The following SLC44A5 variants were observed in gnomAD, a reference collection of about 807,000 sequenced individuals.
The protein encoded by SLC44A5 is choline transporter-like protein 5.
A neutral mutation model predicts 101.8 loss-of-function variants in SLC44A5; 57 were observed. That is an observed-to-expected ratio of 0.56 (90% CI 0.45 to 0.70). SLC44A5 has a LOEUF of 0.70. Among genes scored for constraint, SLC44A5 ranks in the 30% least tolerant of loss-of-function variants. SLC44A5 has a pLI of 0.00. For missense variants in SLC44A5, 737 were observed against 853.1 expected (o/e 0.86, Z 1.70); for synonymous variants, 281 against 290.9 (o/e 0.97, Z 0.35).
chr1:75,714,240 T>TC, the SLC44A5 span, among the ~76,000 whole-genome samples: 1 of 152,276 alleles, frequency 6.6e-6, no homozygotes, highest in African/African-American at 2.4e-5. Context: ...TGCAAATCAG[T>TC]AAATGTGATT....
intron 3 of SLC44A5, among the ~76,000 whole-genome samples, chr1:75,359,317 C>T (rs1460027949): frequency 6.7e-6 from 1 of 150,040 alleles, no homozygotes; most frequent in Admixed American, 6.6e-5. Context: ...TCACTGCAGC[C>T]TCCACCTCCT....
At chr1:75,333,014 G>A (rs1375281550) in intron 4 of SLC44A5, among the ~76,000 whole-genome samples, 1 of 151,684 alleles carries the variant, frequency 6.6e-6, no homozygotes, top group Non-Finnish European at 1.5e-5. Flanking sequence ...ACGAAGGTGG[G>A]GCTCATTATC....
At chr1:75,611,175 C>T, upstream of SLC44A5, 1 of 822,948 alleles carries the variant, frequency 1.2e-6, no homozygotes, top group Non-Finnish European at 1.5e-6. Context: ...GGCCATACCC[C>T]ATTCTTAGGT....
intron 2 of SLC44A5, among the ~76,000 whole-genome samples, chr1:75,410,631 A>G (rs1557757060): frequency 6.6e-6 from 1 of 152,114 alleles, no homozygotes; most frequent in Non-Finnish European, 1.5e-5. Flanking sequence ...GGGAGCTGAG[A>G]AAAGGAAAGG....
intron 2 of SLC44A5, among the ~76,000 whole-genome samples, chr1:75,464,122 TG>T: frequency 6.8e-6 from 1 of 146,912 alleles, no homozygotes; most frequent in African/African-American, 2.5e-5. Context: ...CTCGGGAGGC[TG>T]AGGCAGGAGA....
At chr1:75,305,888 G>A (rs1654861651) in intron 4 of SLC44A5, among the ~76,000 whole-genome samples, 1 of 152,136 alleles carries the variant, frequency 6.6e-6, no homozygotes, top group South Asian at 2.1e-4. Context: ...TAGACCTAGG[G>A]AACTTTTGTT....
intron 1 of SLC44A5, among the ~76,000 whole-genome samples, chr1:75,579,127 G>A (rs1040236439): frequency 6.6e-6 from 1 of 152,170 alleles, no homozygotes; most frequent in Non-Finnish European, 1.5e-5. Flanking sequence ...AGAGGTTTCA[G>A]TCAGGAAATG....
chr1:75,225,879 T>C (rs2100532507), intron 13 of SLC44A5, among the ~76,000 whole-genome samples: 1 of 152,278 alleles, frequency 6.6e-6, no homozygotes, highest in Admixed American at 6.5e-5. Flanking sequence ...ATCTCCTCAA[T>C]GGCGTTTGTG....
chr1:75,527,229 A>G (rs1437997012), intron 2 of SLC44A5, among the ~76,000 whole-genome samples: 1 of 151,036 alleles, frequency 6.6e-6, no homozygotes, highest in African/African-American at 2.4e-5. Flanking sequence ...GAAGACAGAG[A>G]GAGAGAGAAA....
intron 2 of SLC44A5, among the ~76,000 whole-genome samples, chr1:75,459,773 A>C (rs1666395120): frequency 6.6e-6 from 1 of 152,256 alleles, no homozygotes; most frequent in African/African-American, 2.4e-5. Flanking sequence ...AGAATCTTTC[A>C]AATGTTCAAC....
At chr1:75,350,176 A>T (rs536637165) in intron 3 of SLC44A5, among the ~76,000 whole-genome samples, 1 of 152,170 alleles carries the variant, frequency 6.6e-6, no homozygotes, top group South Asian at 2.1e-4. Context: ...AGGGGTTCCC[A>T]TGATTAGATT....
chr1:75,717,079 A>G, the SLC44A5 span, among the ~76,000 whole-genome samples: 1 of 152,112 alleles, frequency 6.6e-6, no homozygotes, highest in Non-Finnish European at 1.5e-5. Flanking sequence ...CATATATACC[A>G]TGGAATACTC....
rs542817689 is a variant in SLC44A5, at chr1:75,220,218, T to G, written c.1086-326A>C. 1.2e-4 allele frequency among the ~76,000 whole-genome samples: 19 copies of G among 152,224 alleles called. No homozygotes were observed. In the South Asian group the frequency reaches 3.7e-3, roughly 30 times the overall value. ...TAGACTTTTAAAATTGAAGAAGACC[T>G]TGAAGATCATGTGTCACACTGAGGG... On this transcript the variant is annotated intron_variant, in intron 14 of 23. Coordinates refer to ENST00000370859, the MANE Select transcript of SLC44A5 (RefSeq NM_001130058.2).
intron 4 of SLC44A5, among the ~76,000 whole-genome samples, chr1:75,331,632 G>A (rs951206412): frequency 2.6e-5 from 4 of 152,086 alleles, no homozygotes; most frequent in Admixed American, 2.6e-4. Flanking sequence ...AGCTCACTCT[G>A]TTACTAAAAC....
At chr1:75,359,146 GT>G (rs777807813) in intron 3 of SLC44A5, among the ~76,000 whole-genome samples, 1 of 140,082 alleles carries the variant, frequency 7.1e-6, no homozygotes, top group Non-Finnish European at 1.5e-5. Context: ...GCGGCTCCAT[GT>G]TTTTGCAAAT....
At chr1:75,435,269 A>G (rs1427842103) in intron 2 of SLC44A5, among the ~76,000 whole-genome samples, 1 of 152,180 alleles carries the variant, frequency 6.6e-6, no homozygotes, top group Non-Finnish European at 1.5e-5. Context: ...ATATATGTCA[A>G]TTAACTGAAA....
chr1:75,454,300 CAT>C (rs1246437039), intron 2 of SLC44A5, among the ~76,000 whole-genome samples: 1 of 151,934 alleles, frequency 6.6e-6, no homozygotes, highest in Non-Finnish European at 1.5e-5. Context: ...ATAAAAATAA[CAT>C]ATGGTCATCT....
intron 11 of SLC44A5, 120 bp from the exon 12 acceptor site, chr1:75,234,218 C>A (rs982626919): frequency 2.9e-6 from 2 of 689,292 alleles, no homozygotes; most frequent in African/African-American, 3.7e-5. Context: ...TTTTACCTGG[C>A]TATAGAAACA....
Position 75,218,550 on chromosome 1 carries a change from A to G in SLC44A5, c.1469T>C (p.Met490Thr). 1.2e-6 allele frequency: 2 copies of G among 1,613,822 alleles called. No homozygotes were observed. The highest frequency in any genetic ancestry group is 8.5e-7 in the Non-Finnish European group (1 of 1,179,768). The change falls in exon 17 of 24, where the codon ATG becomes ACG. Residue 490 changes from methionine to threonine, a missense_variant. Transcript: ENST00000370859. ...TCGTGGGATGTCATCAGGTTTTTTC[A>G]TGGCCCAGTAATAAGTAGCGAATGC... ...AGAFATYYWAMKKPDDIPRYP... is the reference protein window; with the variant it reads ...AGAFATYYWATKKPDDIPRYP...
Sources: gnomAD v4.1 joint callset for allele counts (sites outside exome capture counted in the v4.1 genomes callset) on GRCh38, gnomAD v4.1.1 for gene constraint, MANE v1.5 for transcripts, NCBI Gene and HGNC (gene_info 2026-07-23, HGNC 2026-07-21) for gene names.